The following XYLT2 variants were observed in gnomAD, a reference collection of about 807,000 sequenced individuals.
The protein encoded by XYLT2 is xylosyltransferase 2.
Under a neutral mutation model 82.6 loss-of-function variants are expected in XYLT2, and 37 were observed. The observed-to-expected ratio is 0.45, with a 90% confidence interval of 0.34 to 0.59. XYLT2 has a LOEUF of 0.59. Ranked by LOEUF, XYLT2 falls within the 20% of genes least tolerant of loss-of-function variation. The pLI is 0.01. For missense variants in XYLT2, 934 were observed against 1,181.3 expected, an observed-to-expected ratio of 0.79 and a Z score of 3.07; for synonymous variants, 474 against 499.0, an observed-to-expected ratio of 0.95 and a Z score of 0.67.
intron 1 of XYLT2, among the ~76,000 whole-genome samples, chr17:50,353,014 G>A (rs1912335420): frequency 6.6e-6 from 1 of 152,220 alleles, no homozygotes; most frequent in South Asian, 2.1e-4. Flanking sequence ...ATCGTTCACA[G>A]GGGTACCCGC....
At chr17:50,356,403 C>G in intron 7 of XYLT2, 108 bp from the exon 8 acceptor site, 3 of 1,548,274 alleles carry the variant, frequency 1.9e-6, no homozygotes, top group South Asian at 1.2e-5. Context: ...ACAACAGCAG[C>G]AGGAAAAGCC....
At position 50,346,186 on chromosome 17, in the gene XYLT2, C is replaced by T. The variant is rs1254511984; in HGVS notation, c.46C>T (p.Leu16=). ...RVQKLVRRYK[L]AIATALAILL... ...GCAGAAGCTGGTGCGGCGCTACAAG[C>T]TGGCGATTGCCACGGCGCTGGCCAT... is the stretch of plus-strand genomic sequence containing the variant. The change falls in exon 1 of 11, where the codon CTG becomes TTG. Residue 16 remains leucine (L), a synonymous_variant. Coordinates refer to ENST00000017003, the MANE Select transcript of XYLT2 (RefSeq NM_022167.4). This position sits in a 1 kb window ranked among gnomAD's most constrained non-coding sequence, Gnocchi z 5.1. The T allele has an allele frequency of 2.3e-6, 3 of 1,291,506 alleles. No homozygotes were observed. Among genetic ancestry groups the T allele is most frequent in the Admixed American group, 2.8e-5 (1 of 35,268 alleles). The allele number at this position is 1,291,506 out of a possible 1,614,324, so 80.0% of individuals were successfully genotyped here.
At chr17:50,356,367 G>A (rs539522632) in intron 7 of XYLT2, 106 bp downstream of exon 7, 12 of 1,551,088 alleles carry the variant, frequency 7.7e-6, no homozygotes, top group African/African-American at 2.7e-5. Flanking sequence ...GCCACGGCCT[G>A]CAGCAACCCT....
Position 50,360,853 on chromosome 17 carries a change from C to T in XYLT2, c.*562C>T, listed in dbSNP as rs374553813. 6 of 985,784 alleles carry T rather than the reference C, an allele frequency of 6.1e-6. No individual in the cohort carries two copies. The highest frequency in any genetic ancestry group is 1.1e-4 in the East Asian group (1 of 8,820). The allele number at this position is 985,784 out of a possible 1,614,324, so 61.1% of individuals were successfully genotyped here. A position where few individuals can be genotyped will look rare whatever the true frequency, so the allele number is the denominator to read the frequency against. ...CTAAGGCCCGAAGAACAGGTGATAT[C>T]GGGGGCGCTGCAGAGCTGGGCTCTA... On this transcript the variant is annotated 3_prime_UTR_variant, in exon 11 of 11. Coordinates refer to ENST00000017003, the MANE Select transcript of XYLT2 (RefSeq NM_022167.4).
At position 50,357,017 on chromosome 17, in the gene XYLT2, G is replaced by A. The variant is rs758892077; in HGVS notation, c.1746-40G>A. On this transcript the variant is annotated intron_variant, in intron 8 of 10. Transcript: ENST00000017003. ...CCTGGGACTCCAGGCCAAGTCAGGT[G>A]TGCTGATGGCATCTCCCTTTCTCCC... is the stretch of plus-strand genomic sequence containing the variant. 25 of 1,557,310 alleles carry A rather than the reference G, an allele frequency of 1.6e-5. No individual in the cohort carries two copies. The South Asian group carries it at 3.1e-4, about 19-fold the overall frequency.
In XYLT2 at chr17:50,346,355, CG is replaced by C. The variant is rs1912038333; in HGVS notation, c.135+84del. 1 of 992,752 alleles carries C rather than the reference CG, an allele frequency of 1.0e-6. No homozygotes were observed. Among genetic ancestry groups the C allele is most frequent in the Non-Finnish European group, 1.2e-6 (1 of 835,462 alleles). The allele number at this position is 992,752 out of a possible 1,614,324, so 61.5% of individuals were successfully genotyped here. A position where few individuals can be genotyped will look rare whatever the true frequency, so the allele number is the denominator to read the frequency against. On this transcript the variant is annotated intron_variant, in intron 1 of 10. Transcript: ENST00000017003. The surrounding 1 kb of genome is among the most constrained non-coding windows in gnomAD (Gnocchi z 5.1). Reference sequence around the variant, plus strand: ...TGGCGGGGCTGCGGGCGGCCCCAGCCGGGGAAGTGGGGCACGGGCCGCGTGC... The same window carrying C: ...TGGCGGGGCTGCGGGCGGCCCCAGCCGGGAAGTGGGGCACGGGCCGCGTGC...
intron 1 of XYLT2, among the ~76,000 whole-genome samples, chr17:50,352,358 C>G (rs1287914227): frequency 6.6e-6 from 1 of 152,196 alleles, no homozygotes; most frequent in East Asian, 1.9e-4. Flanking sequence ...TCTCATCCAT[C>G]AGACACCAGC....
At position 50,360,405 on chromosome 17, in the gene XYLT2, G is replaced by A; in HGVS notation, c.*114G>A. On this transcript the variant is annotated 3_prime_UTR_variant, in exon 11 of 11. Coordinates refer to ENST00000017003, the MANE Select transcript of XYLT2 (RefSeq NM_022167.4). ...AGGCCCAGGCTGCACACCCATTTCA[G>A]CCATCAAGAACCCACACAGACGGCA... 7.0e-7 allele frequency: 1 copy of A among 1,436,446 alleles called. No homozygotes were observed. Among genetic ancestry groups the A allele is most frequent in the Non-Finnish European group, 9.1e-7 (1 of 1,097,444 alleles). 89.0% of individuals were successfully genotyped at this position (1,436,446 alleles called of 1,614,324 possible).
rs1055692255 is a variant in XYLT2, at chr17:50,346,620, C to T, written c.135+345C>T. ...AGGCGGGGCTGGGCCCGAACCTGCT[C>T]GGAGGTGGGGAGCCCCAGGCCAAAC... On this transcript the variant is annotated intron_variant, in intron 1 of 10. Transcript: ENST00000017003. The surrounding 1 kb of genome is among the most constrained non-coding windows in gnomAD (Gnocchi z 5.1). The T allele has an allele frequency of 2.1e-5, 21 of 985,244 alleles. No homozygotes were observed. The highest frequency in any genetic ancestry group is 9.4e-5 in the South Asian group (2 of 21,290). The allele number at this position is 985,244 out of a possible 1,614,324, so 61.0% of individuals were successfully genotyped here. A position where few individuals can be genotyped will look rare whatever the true frequency, so the allele number is the denominator to read the frequency against.
At chr17:50,355,712 C>T in intron 5 of XYLT2, 69 bp from the exon 6 acceptor site, 2 of 1,591,664 alleles carry the variant, frequency 1.3e-6, no homozygotes, top group Middle Eastern at 1.7e-4. Flanking sequence ...GTGTTGGTTG[C>T]CAGGCGGGTG....
Position 50,360,121 on chromosome 17 carries a change from G to T in XYLT2, c.2428G>T (p.Ala810Ser), listed in dbSNP as rs369641614. ...ACAGCTCACAGGCCCTGCGCTCGAG[G>T]CCTGGACAGACAGGGAACTGAGCAG... ...HTQLTGPALEAWTDRELSSFW... is the reference protein window; with the variant it reads ...HTQLTGPALESWTDRELSSFW... The change falls in exon 11 of 11, where the codon GCC (alanine) becomes TCC (serine). Residue 810 changes from alanine to serine, a missense_variant. By Grantham distance (99) the Ala-to-Ser change is moderately conservative. Transcript: ENST00000017003. 6.2e-7 allele frequency: 1 copy of T among 1,613,862 alleles called. No individual in the cohort carries two copies. The highest frequency in any genetic ancestry group is 1.3e-5 in the African/African-American group (1 of 74,930).
intron 1 of XYLT2, among the ~76,000 whole-genome samples, chr17:50,347,402 G>A (rs1255218417): frequency 6.6e-6 from 1 of 152,204 alleles, no homozygotes; most frequent in African/African-American, 2.4e-5. Context: ...AACCCAGAGG[G>A]TGGGATGGTG....
chr17:50,353,548 G>A lies in XYLT2; in HGVS notation c.136-82G>A, dbSNP rs932869332. On this transcript the variant is annotated intron_variant, in intron 1 of 10. Transcript: ENST00000017003. ...GTGGGCAGGAACATCTAGGTCTGAG[G>A]GTGCCCCCAACCAAGATGGAACTCA... is the stretch of plus-strand genomic sequence containing the variant. 71 of 1,509,228 alleles carry A rather than the reference G, an allele frequency of 4.7e-5. 2 individuals carry two copies. In the South Asian group the frequency reaches 9.1e-4, roughly 19 times the overall value. 93.5% of individuals were successfully genotyped at this position (1,509,228 alleles called of 1,614,324 possible). A position where few individuals can be genotyped will look rare whatever the true frequency, so the allele number is the denominator to read the frequency against.
Position 50,353,951 on chromosome 17 carries a change from C to T in XYLT2, c.457C>T (p.Pro153Ser). 1 of 1,606,842 alleles carries T rather than the reference C, an allele frequency of 6.2e-7. No individual in the cohort carries two copies. The highest frequency in any genetic ancestry group is 8.5e-7 in the Non-Finnish European group (1 of 1,179,894). Residue 153 changes from proline (P) to serine (S), a missense_variant, in exon 2 of 11, where the codon CCC becomes TCC. This residue lies in a region of XYLT2 where 371 missense variants were observed against 394.9 expected (regional missense o/e 0.94). Coordinates refer to ENST00000017003, the MANE Select transcript of XYLT2 (RefSeq NM_022167.4). ...AGGGAGCGTGGAGGGCGCCCCCCAG[C>T]CCACGGACAATGGCTTCACCCCCAA... The part of the protein sequence containing the change: ...DTGSVEGAPQ[P>S]TDNGFTPKCE...
At chr17:50,348,286 CA>C (rs1912119646) in intron 1 of XYLT2, among the ~76,000 whole-genome samples, 2 of 152,136 alleles carry the variant, frequency 1.3e-5, no homozygotes, top group Admixed American at 6.5e-5. Flanking sequence ...TGGCTTAGAT[CA>C]GGGGGTCAGG....
At chr17:50,353,186 A>T (rs537336414) in intron 1 of XYLT2, among the ~76,000 whole-genome samples, 1 of 151,862 alleles carries the variant, frequency 6.6e-6, no homozygotes, top group Non-Finnish European at 1.5e-5. Flanking sequence ...ATTCATCTGG[A>T]AGTTAGAGTC....
rs776923746 is a variant in XYLT2, at chr17:50,354,929, A to G, written c.880A>G (p.Met294Val). 2.5e-6 allele frequency: 4 copies of G among 1,602,806 alleles called. No homozygotes were observed. The highest frequency in any genetic ancestry group is 1.3e-5 in the African/African-American group (1 of 74,932). The change falls in exon 4 of 11, where the codon ATG becomes GTG. Residue 294 changes from methionine to valine, a missense_variant. Met to Val is a conservative substitution (Grantham distance 21). Around this residue, in one of 3 missense-constraint regions of XYLT2, gnomAD observed 189 missense variants for 320.8 expected, o/e 0.59. Transcript: ENST00000017003. ...YDNVRVTPWR[M>V]VTIWGGASLL... Reference sequence around the variant, plus strand: ...TAACGTGCGGGTGACGCCCTGGCGCATGGTTACCATCTGGGGCGGGGCCAG... The same window carrying G: ...TAACGTGCGGGTGACGCCCTGGCGCGTGGTTACCATCTGGGGCGGGGCCAG...
rs1343243283 is a variant in XYLT2, at chr17:50,360,440, G to A, written c.*149G>A. ...ACCCACACAGACGGCAGGGAAGGTG[G>A]ACACAGTATGAACTACTGCTGATGT... On this transcript the variant is annotated 3_prime_UTR_variant, in exon 11 of 11. Transcript: ENST00000017003. 1 of 1,427,612 alleles carries A rather than the reference G, an allele frequency of 7.0e-7. No homozygotes were observed. Among genetic ancestry groups the A allele is most frequent in the African/African-American group, 1.4e-5 (1 of 69,542 alleles). 88.4% of individuals were successfully genotyped at this position (1,427,612 alleles called of 1,614,324 possible).
Position 50,360,571 on chromosome 17 carries a change from C to CTTT in XYLT2, c.*297_*299dup, listed in dbSNP as rs386386236. The CTTT allele has an allele frequency of 3.0e-3, 2,920 of 972,488 alleles. No individual in the cohort carries two copies. The highest frequency in any genetic ancestry group is 8.3e-3 in the Middle Eastern group (17 of 2,054). The allele number at this position is 972,488 out of a possible 1,614,324, so 60.2% of individuals were successfully genotyped here. ...TGTCTAGTTTGAATTTCTTTTTTTT[C>CTTT]TTTTTTTTTTTTTTTTTTTAATTTA... is the stretch of plus-strand genomic sequence containing the variant. On this transcript the variant is annotated 3_prime_UTR_variant, in exon 11 of 11. Transcript: ENST00000017003.
Sources: allele counts gnomAD v4.1 joint callset (sites outside exome capture counted in the v4.1 genomes callset), GRCh38; gene constraint gnomAD v4.1.1; regional missense constraint gnomAD v4.1.1; non-coding constraint Gnocchi (gnomAD v3.1); transcripts MANE v1.5; gene names NCBI Gene and HGNC (gene_info 2026-07-23, HGNC 2026-07-21).